Variants in CNIH3 observed in about 807,000 individuals in gnomAD.
CNIH3 encodes protein cornichon homolog 3.
Under a neutral mutation model 24.1 loss-of-function variants are expected in CNIH3, and 14 were observed. That is an observed-to-expected ratio of 0.58 (90% CI 0.38 to 0.91). The LOEUF is 0.91. Ranked by LOEUF, CNIH3 falls within the 40% of genes least tolerant of loss-of-function variation. The pLI, the probability that CNIH3 is intolerant of heterozygous loss-of-function variation, is 0.00. For synonymous variants in CNIH3, 68 were observed against 73.8 expected (o/e 0.92, Z 0.40); for missense variants, 178 against 196.8 (o/e 0.90, Z 0.57).
intron 4 of CNIH3, among the ~76,000 whole-genome samples, chr1:224,582,761 A>G (rs1462194475): frequency 6.6e-6 from 1 of 152,216 alleles, no homozygotes. Context: ...TTTTCTCAAT[A>G]CTAAGATGGT....
At chr1:224,591,855 A>G (rs1681769501), downstream of CNIH3, among the ~76,000 whole-genome samples, 1 of 152,226 alleles carries the variant, frequency 6.6e-6, no homozygotes. Flanking sequence ...CATTGGTAAA[A>G]TAGGAATGAT....
intron 3 of CNIH3, among the ~76,000 whole-genome samples, chr1:224,548,340 C>G (rs1190638517): frequency 6.6e-6 from 1 of 151,928 alleles, no homozygotes; most frequent in African/African-American, 2.4e-5. Flanking sequence ...TTCAATATCA[C>G]AGTGGGTGTA....
At chr1:224,702,036 C>G (rs1323591960) in intron 3 of CNIH3, among the ~76,000 whole-genome samples, 1 of 152,154 alleles carries the variant, frequency 6.6e-6, no homozygotes, top group Admixed American at 6.5e-5. Context: ...TGCTGTATCT[C>G]CACTTGCATT....
At chr1:224,624,209 C>T (rs1209291877) in intron 1 of CNIH3, among the ~76,000 whole-genome samples, 1 of 152,220 alleles carries the variant, frequency 6.6e-6, no homozygotes, top group Non-Finnish European at 1.5e-5. Flanking sequence ...AATCTCTGGG[C>T]ACCATTTAGT....
chr1:224,679,491 TA>T (rs1459503827), intron 1 of CNIH3, among the ~76,000 whole-genome samples: 4 of 152,240 alleles, frequency 2.6e-5, no homozygotes, highest in African/African-American at 9.6e-5. Flanking sequence ...GGGAGTCATA[TA>T]TTATAGTTTA....
intron 1 of CNIH3, among the ~76,000 whole-genome samples, chr1:224,625,018 G>A (rs1683452679): frequency 6.6e-6 from 1 of 152,150 alleles, no homozygotes; most frequent in Admixed American, 6.5e-5. Context: ...CCAGGTCTGA[G>A]TCCCACTGTT....
At chr1:224,454,113 C>T (rs553603513) in intron 1 of CNIH3, among the ~76,000 whole-genome samples, 12 of 152,146 alleles carry the variant, frequency 7.9e-5, no homozygotes, top group African/African-American at 2.4e-4. Context: ...TTGAAGAAAA[C>T]GCACTATATT....
At chr1:224,561,195 A>ACT (rs1680359813) in intron 3 of CNIH3, among the ~76,000 whole-genome samples, 1 of 152,168 alleles carries the variant, frequency 6.6e-6, no homozygotes, top group South Asian at 2.1e-4. Flanking sequence ...TCACTCTTCT[A>ACT]CTTATCAAAA....
chr1:224,438,672 T>C (rs1674769351), intron 1 of CNIH3, among the ~76,000 whole-genome samples: 1 of 152,222 alleles, frequency 6.6e-6, no homozygotes, highest in Admixed American at 6.5e-5. Context: ...ATTGTCCAGC[T>C]GGACTTGTTG....
intron 3 of CNIH3, among the ~76,000 whole-genome samples, chr1:224,686,815 T>A (rs1558293461): frequency 6.6e-6 from 1 of 152,234 alleles, no homozygotes; most frequent in African/African-American, 2.4e-5. Flanking sequence ...AGCCCAGAGC[T>A]AAGGGTATGA....
chr1:224,535,937 A>AAGAT (rs1572431555), intron 2 of CNIH3, among the ~76,000 whole-genome samples: 1 of 152,230 alleles, frequency 6.6e-6, no homozygotes, highest in African/African-American at 2.4e-5. Context: ...AGGGAGCTAG[A>AAGAT]AGATAAACAC....
chr1:224,628,163 G>C (rs965975337), intron 1 of CNIH3, among the ~76,000 whole-genome samples: 5 of 151,934 alleles, frequency 3.3e-5, no homozygotes, highest in African/African-American at 4.8e-5. Flanking sequence ...TCTACGCTTC[G>C]CTCAACTGTC....
intron 1 of CNIH3, among the ~76,000 whole-genome samples, chr1:224,630,856 C>A (rs1372412207): frequency 6.6e-6 from 1 of 152,058 alleles, no homozygotes; most frequent in Non-Finnish European, 1.5e-5. Flanking sequence ...TGCTGTCTGG[C>A]CAGAATGGAG....
chr1:224,544,858 A>G (rs868564257), intron 2 of CNIH3, among the ~76,000 whole-genome samples: 1 of 152,150 alleles, frequency 6.6e-6, no homozygotes, highest in African/African-American at 2.4e-5. Context: ...CCTGCCTCCT[A>G]CTTTCCAGTA....
chr1:224,574,598 G>C (rs1313497227), intron 4 of CNIH3: 5 of 807,316 alleles, frequency 6.2e-6, no homozygotes, highest in African/African-American at 5.0e-5. Flanking sequence ...AGAATGACGT[G>C]GGGGTGGCCA....
chr1:224,462,794 C>T (rs1232617959), intron 1 of CNIH3, among the ~76,000 whole-genome samples: 1 of 151,810 alleles, frequency 6.6e-6, no homozygotes, highest in African/African-American at 2.4e-5. Flanking sequence ...CACGCACCAC[C>T]ACACCTGGCT....
chr1:224,730,487 A>T lies in CNIH3; in HGVS notation c.224A>T (p.His75Leu). 6.4e-7 allele frequency: 1 copy of T among 1,560,246 alleles called. No homozygotes were observed. ...CTGGTGCTGCCAGAATACTCCATCCATAGCCTCTTCTGCATTATGTTCCTG... is the reference window on the plus strand; with the variant it reads ...CTGGTGCTGCCAGAATACTCCATCCTTAGCCTCTTCTGCATTATGTTCCTG... Reference protein sequence around the residue: ...RKLVLPEYSIHSLFCIMFLCA... With the variant: ...RKLVLPEYSILSLFCIMFLCA... Residue 75 changes from histidine to leucine, a missense_variant, in exon 4 of 6, where the codon CAT (histidine) becomes CTT (leucine). Transcript: ENST00000272133.
At chr1:224,694,578 A>G (rs1380249942) in intron 3 of CNIH3, among the ~76,000 whole-genome samples, 1 of 152,144 alleles carries the variant, frequency 6.6e-6, no homozygotes, top group Non-Finnish European at 1.5e-5. Context: ...TATTTTTTGG[A>G]TGAGGTTAAC....
chr1:224,690,443 C>G (rs12122421), intron 3 of CNIH3, among the ~76,000 whole-genome samples: 6,058 of 152,262 alleles, frequency 0.04, 206 homozygotes, highest in East Asian at 0.15. Context: ...TCAGGTGATC[C>G]AGTCTCCTCA....
Sources: allele counts gnomAD v4.1 joint callset (sites outside exome capture counted in the v4.1 genomes callset), GRCh38; gene constraint gnomAD v4.1.1; transcripts MANE v1.5; gene names NCBI Gene and HGNC (gene_info 2026-07-23, HGNC 2026-07-21).